ZNF169: variants seen among roughly 807,000 people sequenced by gnomAD.
ZNF169 encodes the protein zinc finger protein 169.
A neutral mutation model predicts 12.0 loss-of-function variants in ZNF169; 11 were observed. That is an observed-to-expected ratio of 0.92 (90% confidence interval 0.58 to 1.52). The LOEUF (loss-of-function observed/expected upper bound fraction) is 1.52. Ranked by LOEUF, ZNF169 falls within the 40% of genes most tolerant of loss-of-function variation. The pLI is 0.00. For synonymous variants in ZNF169, 302 were observed against 286.5 expected (o/e 1.05, Z -0.55); for missense variants, 722 against 744.0 (o/e 0.97, Z 0.34).
chr9:94,282,191 A>G (rs1362933172), intron 2 of ZNF169, among the ~76,000 whole-genome samples: 1 of 152,220 alleles, frequency 6.6e-6, no homozygotes, highest in Non-Finnish European at 1.5e-5. Flanking sequence ...AATAAAACCC[A>G]TCTGATGAGA....
chr9:94,291,698 A>G (rs1210239495), intron 2 of ZNF169, among the ~76,000 whole-genome samples: 2 of 152,244 alleles, frequency 1.3e-5, no homozygotes, highest in Non-Finnish European at 2.9e-5. Flanking sequence ...TGAAGTTAAA[A>G]TACAGTACCA....
At chr9:94,299,756 C>T in intron 4 of ZNF169, 59 bp from the exon 5 acceptor site, 6 of 1,540,428 alleles carry the variant, frequency 3.9e-6, no homozygotes, top group East Asian at 2.3e-5. Flanking sequence ...AACTGCTGGG[C>T]AGGTATTACA....
chr9:94,283,504 G>A (rs1054791826), intron 2 of ZNF169, among the ~76,000 whole-genome samples: 5 of 152,154 alleles, frequency 3.3e-5, no homozygotes, highest in African/African-American at 4.8e-5. Context: ...ATCAACTTTC[G>A]TAAAATTCTG....
intron 1 of ZNF169, among the ~76,000 whole-genome samples, chr9:94,270,790 TA>T (rs1830388638): frequency 3.0e-5 from 2 of 67,380 alleles, no homozygotes; most frequent in East Asian, 4.7e-4. Context: ...TATAAATATA[TA>T]TAAATAATAT....
chr9:94,280,945 T>C (rs2118602388), intron 2 of ZNF169, among the ~76,000 whole-genome samples: 1 of 152,196 alleles, frequency 6.6e-6, no homozygotes, highest in Admixed American at 6.5e-5. Flanking sequence ...TTACTGAAAC[T>C]AGAGGCAAGG....
chr9:94,269,707 G>A (rs1310617235), intron 1 of ZNF169, among the ~76,000 whole-genome samples: 1 of 152,106 alleles, frequency 6.6e-6, no homozygotes, highest in Non-Finnish European at 1.5e-5. Flanking sequence ...GAGAAGGCCT[G>A]GAAATTATCA....
At chr9:94,291,909 T>C (rs778953407) in intron 2 of ZNF169, among the ~76,000 whole-genome samples, 3 of 152,270 alleles carry the variant, frequency 2.0e-5, no homozygotes, top group Non-Finnish European at 4.4e-5. Flanking sequence ...CAAATTGATA[T>C]ACAGGTTTAA....
intron 4 of ZNF169, among the ~76,000 whole-genome samples, chr9:94,298,926 A>G (rs73653458): frequency 0.054 from 8,151 of 152,258 alleles, 358 homozygotes; most frequent in African/African-American, 0.13. Flanking sequence ...TAGTTTTAAC[A>G]GTTTTTGTGC....
chr9:94,260,914 G>A (rs1277922238), intron 1 of ZNF169, among the ~76,000 whole-genome samples: 2 of 147,922 alleles, frequency 1.4e-5, no homozygotes, highest in Non-Finnish European at 3.0e-5. Context: ...ACGGCCTCCC[G>A]GGTTCAAGCA....
intron 1 of ZNF169, among the ~76,000 whole-genome samples, chr9:94,265,431 T>C (rs1830275419): frequency 2.0e-5 from 3 of 151,794 alleles, no homozygotes; most frequent in Admixed American, 2.0e-4. Flanking sequence ...AATACAAAAA[T>C]TAACCAGGCT....
chr9:94,269,461 C>A (rs951330164), intron 1 of ZNF169, among the ~76,000 whole-genome samples: 2 of 152,166 alleles, frequency 1.3e-5, no homozygotes, highest in Non-Finnish European at 2.9e-5. Context: ...CATGAAACAG[C>A]CCTCTGGAGG....
At chr9:94,287,477 T>C (rs1247937702) in intron 2 of ZNF169, among the ~76,000 whole-genome samples, 2 of 152,178 alleles carry the variant, frequency 1.3e-5, no homozygotes, top group Non-Finnish European at 2.9e-5. Flanking sequence ...GTGATTCTCC[T>C]GCCTCAGCCC....
intron 2 of ZNF169, among the ~76,000 whole-genome samples, chr9:94,290,588 G>A (rs967696783): frequency 6.6e-6 from 1 of 152,114 alleles, no homozygotes; most frequent in Admixed American, 6.5e-5. Context: ...TCCTTTTTAA[G>A]GCTGAAAAAT....
chr9:94,299,955 G>C lies in ZNF169; in HGVS notation c.397G>C (p.Ala133Pro). The C allele has an allele frequency of 6.2e-7, 1 of 1,614,116 alleles. No individual in the cohort carries two copies. Among genetic ancestry groups the C allele is most frequent in the Non-Finnish European group, 8.5e-7 (1 of 1,180,038 alleles). The stretch of plus-strand genomic sequence containing the variant: ...TGCAGGAGGTGACTTCCAACTAGAA[G>C]CTCCAAGATGCTCTAGTGAAAAAGG... ...SSAGGDFQLEAPRCSSEKGES... is the reference protein window; with the variant it reads ...SSAGGDFQLEPPRCSSEKGES... The change falls in exon 5 of 5, where the codon GCT becomes CCT. Residue 133 changes from alanine to proline, a missense_variant. Transcript: ENST00000395395.
At chr9:94,265,736 A>C (rs1460177954) in intron 1 of ZNF169, among the ~76,000 whole-genome samples, 1 of 152,106 alleles carries the variant, frequency 6.6e-6, no homozygotes, top group Non-Finnish European at 1.5e-5. Context: ...GCCTCAGTAA[A>C]TTTATTTAAT....
At chr9:94,275,831 G>T (rs1423115849) in intron 1 of ZNF169, among the ~76,000 whole-genome samples, 2 of 150,624 alleles carry the variant, frequency 1.3e-5, no homozygotes, top group African/African-American at 4.9e-5. Flanking sequence ...ACCCAGGCTG[G>T]AGTGCAGTGG....
chr9:94,277,289 C>T (rs1015660426), intron 1 of ZNF169, among the ~76,000 whole-genome samples: 2 of 152,074 alleles, frequency 1.3e-5, no homozygotes, highest in Non-Finnish European at 2.9e-5. Flanking sequence ...AGATAGCAGA[C>T]TTCAGAGAGA....
intron 4 of ZNF169, chr9:94,295,359 T>A (rs1286483919): frequency 6.6e-6 from 1 of 152,114 alleles, no homozygotes; most frequent in Non-Finnish European, 1.5e-5. Context: ...ATGATAAAAA[T>A]GTTATTAAGA....
chr9:94,273,941 G>A (rs1025880171), intron 1 of ZNF169, among the ~76,000 whole-genome samples: 2 of 152,168 alleles, frequency 1.3e-5, no homozygotes, highest in African/African-American at 2.4e-5. Flanking sequence ...TGCTAGGGCT[G>A]CCATAACAAA....
Sources: allele counts gnomAD v4.1 joint callset (sites outside exome capture counted in the v4.1 genomes callset), GRCh38; gene constraint gnomAD v4.1.1; transcripts MANE v1.5; gene names NCBI Gene and HGNC (gene_info 2026-07-23, HGNC 2026-07-21).